VWA8: variants seen among roughly 807,000 people sequenced by gnomAD.
VWA8 encodes the protein von Willebrand factor A domain-containing protein 8.
VWA8 carries 221 observed loss-of-function variants against 241.5 expected under a neutral mutation model. The ratio of observed to expected loss-of-function variants is 0.91; its 90% CI spans 0.82 to 1.02. The LOEUF (loss-of-function observed/expected upper bound fraction) is 1.02. Among genes scored for constraint, VWA8 ranks in the 50% least tolerant of loss-of-function variants. The pLI is 0.00. For missense variants in VWA8, 2,322 were observed against 2,328.7 expected, an observed-to-expected ratio of 1.00 and a Z score of 0.06; for synonymous variants, 852 against 827.1, an observed-to-expected ratio of 1.03 and a Z score of -0.52.
At chr13:41,761,230 C>T (rs755062633) in intron 20 of VWA8, 26 bp from the exon 21 acceptor site, 4 of 1,599,582 alleles carry the variant, frequency 2.5e-6, no homozygotes, top group African/African-American at 2.7e-5. Context: ...AAACATTAAA[C>T]AAAAAGAGGC....
chr13:41,782,571 A>G (rs186956604), intron 19 of VWA8, among the ~76,000 whole-genome samples: 1 of 152,186 alleles, frequency 6.6e-6, no homozygotes, highest in Admixed American at 6.5e-5. Context: ...GAAGAAAAAT[A>G]AAACATTAGT....
chr13:41,758,397 AG>A (rs1566444709), intron 21 of VWA8, among the ~76,000 whole-genome samples: 220 of 8,516 alleles, frequency 0.026, 1 homozygote, highest in Non-Finnish European at 0.038. Flanking sequence ...TATATACGCT[AG>A]TATATATATA....
intron 4 of VWA8, among the ~76,000 whole-genome samples, chr13:41,899,543 G>A (rs1875319508): frequency 6.6e-6 from 1 of 152,100 alleles, no homozygotes; most frequent in Non-Finnish European, 1.5e-5. Context: ...AACAAAATCT[G>A]AAACGCTCAA....
At chr13:41,692,793 A>G in intron 30 of VWA8, 69 bp downstream of exon 30, 2 of 1,267,920 alleles carry the variant, frequency 1.6e-6, no homozygotes, top group Non-Finnish European at 2.3e-6. Context: ...ATGGGCATGC[A>G]TGCATCTTTC....
At chr13:41,612,029 T>C (rs1395265301) in intron 38 of VWA8, among the ~76,000 whole-genome samples, 1 of 152,232 alleles carries the variant, frequency 6.6e-6, no homozygotes, top group African/African-American at 2.4e-5. Context: ...TATCCTTTCA[T>C]ATTTATTTTT....
At chr13:41,814,898 AGAAG>A (rs1030668403) in intron 16 of VWA8, among the ~76,000 whole-genome samples, 2 of 152,194 alleles carry the variant, frequency 1.3e-5, no homozygotes, top group Non-Finnish European at 2.9e-5. Flanking sequence ...GAAATCCGAG[AGAAG>A]GAAGATAGAC....
chr13:41,799,673 C>A lies in VWA8; in HGVS notation c.2063+11552G>T, dbSNP rs61963085. 9.5e-3 allele frequency among the ~76,000 whole-genome samples: 1,449 copies of A among 152,236 alleles called. 6 individuals carry two copies. Among genetic ancestry groups the A allele is most frequent in the Non-Finnish European group, 0.014 (932 of 68,004 alleles). On this transcript the variant is annotated intron_variant, in intron 17 of 44. Transcript: ENST00000379310. ...CAGCATTAGACCACTTAGCCCTATT[C>A]CTATTTGAAAGCCTCTTTGGCAGCC...
chr13:41,926,182 G>T, intron 2 of VWA8: 1 of 642,704 alleles, frequency 1.6e-6, no homozygotes, highest in South Asian at 2.0e-5. Flanking sequence ...GGTGAGCTGA[G>T]CATCATTCCT....
intron 26 of VWA8, 97 bp from the exon 27 acceptor site, chr13:41,703,508 G>A: frequency 3.0e-6 from 3 of 999,308 alleles, no homozygotes; most frequent in Non-Finnish European, 4.6e-6. Context: ...AAATAAATTT[G>A]AAGAGTGCTT....
chr13:41,875,588 T>G (rs1339781516), intron 9 of VWA8, among the ~76,000 whole-genome samples: 1 of 152,036 alleles, frequency 6.6e-6, no homozygotes, highest in Non-Finnish European at 1.5e-5. Flanking sequence ...CTACTAACAC[T>G]GATCTTGGTA....
chr13:41,817,139 C>T (rs1047203777), intron 15 of VWA8, among the ~76,000 whole-genome samples: 2 of 152,168 alleles, frequency 1.3e-5, no homozygotes, highest in Admixed American at 1.3e-4. Flanking sequence ...TTCAGCATGA[C>T]ATTTTAAGTA....
At chr13:41,656,363 C>T (rs1176827568) in intron 37 of VWA8, among the ~76,000 whole-genome samples, 2 of 152,150 alleles carry the variant, frequency 1.3e-5, no homozygotes, top group Admixed American at 1.3e-4. Flanking sequence ...CCTTCAACAG[C>T]TTTGTATTCC....
rs1593731355 is a variant in VWA8, at chr13:41,736,173, T to C, written c.2427-4018A>G. Among the ~76,000 whole-genome samples, 6 of 152,288 alleles carry C rather than the reference T, an allele frequency of 3.9e-5. No individual in the cohort carries two copies. In the South Asian group the frequency reaches 1.2e-3, roughly 32 times the overall value. On this transcript the variant is annotated intron_variant, in intron 21 of 44. Transcript: ENST00000379310. Reference sequence around the variant, plus strand: ...CAAGACATTTATCAGTAATACTTGATGAATTAATTAGAATGTTCAGCTAAG... The same window carrying C: ...CAAGACATTTATCAGTAATACTTGACGAATTAATTAGAATGTTCAGCTAAG...
At chr13:41,868,305 A>G in intron 10 of VWA8, 41 bp downstream of exon 10, 1 of 1,610,024 alleles carries the variant, frequency 6.2e-7, no homozygotes, top group Non-Finnish European at 8.5e-7. Context: ...AACAGGCAGA[A>G]TAAGGTATAT....
Position 41,961,067 on chromosome 13 carries a change from G to C in VWA8, c.-52C>G. 1 of 1,344,874 alleles carries C rather than the reference G, an allele frequency of 7.4e-7. No individual in the cohort carries two copies. Among genetic ancestry groups the C allele is most frequent in the Non-Finnish European group, 9.5e-7 (1 of 1,050,660 alleles). The allele number at this position is 1,344,874 out of a possible 1,614,324, so 83.3% of individuals were successfully genotyped here. On this transcript the variant is annotated 5_prime_UTR_variant, in exon 1 of 45. Coordinates refer to ENST00000379310, the MANE Select transcript of VWA8 (RefSeq NM_015058.2). ...CGAGGGGGCTCGGGGATCGAGCGGCGTCCCGTGCAGGCACCGTGAGGCAGC... is the reference window on the plus strand; with the variant it reads ...CGAGGGGGCTCGGGGATCGAGCGGCCTCCCGTGCAGGCACCGTGAGGCAGC...
rs1236188354 is a variant in VWA8, at chr13:41,758,398, GTATATATATATATATATA to G, written c.2426+2712_2426+2729del. Among the ~76,000 whole-genome samples, 147 of 25,004 alleles carry G rather than the reference GTATATATATATATATATA, an allele frequency of 5.9e-3. 9 individuals are homozygous for G. Among genetic ancestry groups the G allele is most frequent in the African/African-American group, 0.015 (141 of 9,654 alleles). The allele number at this position is 25,004 out of a possible 152,430, so 16.4% of individuals were successfully genotyped here. On this transcript the variant is annotated intron_variant, in intron 21 of 44. Transcript: ENST00000379310. ...TATATATATATATATATATACGCTA[GTATATATATATATATATA>G]TATATATATATATACGCTAGTATAT...
chr13:41,952,189 T>C (rs2138167703), intron 1 of VWA8, among the ~76,000 whole-genome samples: 1 of 152,274 alleles, frequency 6.6e-6, no homozygotes, highest in Middle Eastern at 3.4e-3. Context: ...TTAGAAACCC[T>C]AAGGTCCAGC....
At chr13:41,936,223 C>G (rs999523347) in intron 2 of VWA8, among the ~76,000 whole-genome samples, 2 of 152,010 alleles carry the variant, frequency 1.3e-5, no homozygotes, top group African/African-American at 2.4e-5. Flanking sequence ...TAATTTTGGC[C>G]CAAGTGATGT....
chr13:41,748,351 A>G (rs2137888415), intron 21 of VWA8, among the ~76,000 whole-genome samples: 1 of 152,238 alleles, frequency 6.6e-6, no homozygotes, highest in Admixed American at 6.5e-5. Flanking sequence ...CGAGGAATTT[A>G]TCCATTTCTT....
Sources: gnomAD v4.1 joint callset for allele counts (sites outside exome capture counted in the v4.1 genomes callset) on GRCh38, gnomAD v4.1.1 for gene constraint, MANE v1.5 for transcripts, NCBI Gene and HGNC (gene_info 2026-07-23, HGNC 2026-07-21) for gene names.